The following TMEM245 variants were observed in gnomAD, a reference collection of about 807,000 sequenced individuals.
The protein encoded by TMEM245 is transmembrane protein 245.
In TMEM245, 69 loss-of-function variants were observed where a neutral mutation model predicts 101.2. That is an observed-to-expected ratio of 0.68 (90% confidence interval 0.56 to 0.83). The LOEUF (loss-of-function observed/expected upper bound fraction) is 0.83. TMEM245 is among the 40% of genes least tolerant of loss of function. The pLI is 0.00. For missense variants in TMEM245, 1,075 were observed against 1,092.8 expected (o/e 0.98, Z 0.23); for synonymous variants, 537 against 449.8 (o/e 1.19, Z -2.45).
chr9:109,026,048 A>C (rs1167985769), intron 17 of TMEM245, among the ~76,000 whole-genome samples: 1 of 152,232 alleles, frequency 6.6e-6, no homozygotes, highest in African/African-American at 2.4e-5. Flanking sequence ...GTCACACTGT[A>C]ACAATATACA....
At position 109,066,283 on chromosome 9, in the gene TMEM245, G is replaced by A. The variant is rs772474291; in HGVS notation, c.1533-1716C>T. ...AGCCTGGCCAACAAGGCAAAACCCC[G>A]TCTCTACTAAAAAATACAAAAATTA... On this transcript the variant is annotated intron_variant, in intron 9 of 17. Transcript: ENST00000374586. 4.0e-5 allele frequency among the ~76,000 whole-genome samples: 6 copies of A among 151,770 alleles called. No homozygotes were observed. In the East Asian group the frequency reaches 5.8e-4, roughly 15 times the overall value.
intron 11 of TMEM245, among the ~76,000 whole-genome samples, chr9:109,059,043 C>T (rs1828931341): frequency 6.6e-6 from 1 of 152,184 alleles, no homozygotes; most frequent in Admixed American, 6.5e-5. Flanking sequence ...TTATGAAACA[C>T]TGACCTTCCT....
intron 1 of TMEM245, among the ~76,000 whole-genome samples, chr9:109,117,090 A>G (rs1477070901): frequency 6.6e-6 from 1 of 151,886 alleles, no homozygotes; most frequent in Non-Finnish European, 1.5e-5. Context: ...CACTTGAGCC[A>G]AACAGCTGAA....
chr9:109,058,592 A>G (rs1828918044), intron 11 of TMEM245, among the ~76,000 whole-genome samples: 1 of 152,150 alleles, frequency 6.6e-6, no homozygotes, highest in African/African-American at 2.4e-5. Context: ...TTAGACAAGC[A>G]TGATGGTAGG....
chr9:109,021,492 G>T (rs1235896234), intron 17 of TMEM245, among the ~76,000 whole-genome samples: 3 of 94,454 alleles, frequency 3.2e-5, no homozygotes, highest in Non-Finnish European at 7.0e-5. Context: ...TTTACAGTTG[G>T]TTTTTTGTTT....
At chr9:109,091,967 T>C (rs1830018887) in intron 4 of TMEM245, among the ~76,000 whole-genome samples, 4 of 152,194 alleles carry the variant, frequency 2.6e-5, no homozygotes, top group South Asian at 4.1e-4. Context: ...GTATGTCACG[T>C]TGAATGTGTG....
intron 2 of TMEM245, among the ~76,000 whole-genome samples, chr9:109,106,921 C>A (rs1446060152): frequency 1.3e-5 from 2 of 152,044 alleles, no homozygotes; most frequent in Admixed American, 1.3e-4. Flanking sequence ...GAACTCAAAC[C>A]ATCTACTTCA....
At chr9:109,040,760 A>AT (rs1305710080) in intron 14 of TMEM245, among the ~76,000 whole-genome samples, 1 of 152,238 alleles carries the variant, frequency 6.6e-6, no homozygotes, top group African/African-American at 2.4e-5. Context: ...ATTGTTGAGT[A>AT]TATCAGTAGT....
At chr9:109,110,017 T>C (rs1284628740) in intron 1 of TMEM245, among the ~76,000 whole-genome samples, 4 of 152,174 alleles carry the variant, frequency 2.6e-5, no homozygotes, top group African/African-American at 9.6e-5. Context: ...GCACTAATTC[T>C]TTTATAATAA....
In TMEM245 at chr9:109,024,798, G is replaced by C. The variant is rs76482592; in HGVS notation, c.2595-4293C>G. ...GGCACACAGCACAGAGATGAATCTG[G>C]AGAAGTAGAGAGAAGAAAGGCATGA... is the stretch of plus-strand genomic sequence containing the variant. On this transcript the variant is annotated intron_variant, in intron 17 of 17. Coordinates refer to ENST00000374586, the MANE Select transcript of TMEM245 (RefSeq NM_032012.4). Among the ~76,000 whole-genome samples the C allele has an allele frequency of 9.5e-4, 144 of 152,350 alleles. 1 individual carries two copies. In the East Asian group the frequency reaches 0.015, roughly 16 times the overall value.
chr9:109,113,943 T>C (rs551834012), intron 1 of TMEM245, among the ~76,000 whole-genome samples: 3 of 151,900 alleles, frequency 2.0e-5, no homozygotes, highest in South Asian at 4.2e-4. Flanking sequence ...CACAAAAAAT[T>C]AGCCGGGCAT....
intron 3 of TMEM245, among the ~76,000 whole-genome samples, chr9:109,101,006 T>C (rs1350258950): frequency 2.0e-5 from 3 of 152,066 alleles, no homozygotes; most frequent in African/African-American, 7.2e-5. Context: ...AGAAGAGTTT[T>C]CTGAGGCGGA....
chr9:109,040,771 T>G (rs1053853651), intron 14 of TMEM245, among the ~76,000 whole-genome samples: 10 of 152,216 alleles, frequency 6.6e-5, no homozygotes, highest in Non-Finnish European at 1.3e-4. Context: ...TATCAGTAGT[T>G]GGTTCCTTTT....
intron 7 of TMEM245, among the ~76,000 whole-genome samples, chr9:109,081,840 A>G (rs774367833): frequency 6.6e-5 from 10 of 152,218 alleles, no homozygotes; most frequent in Non-Finnish European, 1.3e-4. Context: ...TTATCTTGCT[A>G]TAACTTCCTT....
At chr9:109,093,639 T>C in intron 3 of TMEM245, 48 bp from the exon 4 acceptor site, 2 of 1,468,856 alleles carry the variant, frequency 1.4e-6, no homozygotes, top group Non-Finnish European at 1.9e-6. Flanking sequence ...TAGGAAATAA[T>C]GGCTGCAAAT....
chr9:109,089,747 C>T (rs528179142), intron 5 of TMEM245, among the ~76,000 whole-genome samples: 2 of 152,012 alleles, frequency 1.3e-5, no homozygotes, highest in Admixed American at 1.3e-4. Context: ...TAGAGGTGGG[C>T]CTTAAATTAC....
rs554194678 is a variant in TMEM245 at position 109,110,125 on chromosome 9, G to C, written c.580-1555C>G. Among the ~76,000 whole-genome samples the C allele has an allele frequency of 1.7e-3, 255 of 152,258 alleles. 1 individual carries two copies. The highest frequency in any genetic ancestry group is 5.8e-3 in the African/African-American group (243 of 41,562). On this transcript the variant is annotated intron_variant, in intron 1 of 17. Transcript: ENST00000374586. ...TGAGGACATGGGAAGTGAGACTACA[G>C]CTGCTTCAAAAAGTCCAGTCTTGCT... is the stretch of plus-strand genomic sequence containing the variant.
At chr9:109,102,304 T>C (rs1189034838) in intron 3 of TMEM245, among the ~76,000 whole-genome samples, 1 of 152,166 alleles carries the variant, frequency 6.6e-6, no homozygotes, top group Non-Finnish European at 1.5e-5. Flanking sequence ...GAGAGATATA[T>C]AGTTATGGTT....
intron 1 of TMEM245, among the ~76,000 whole-genome samples, chr9:109,112,262 C>T (rs993746404): frequency 2.0e-5 from 3 of 152,130 alleles, no homozygotes; most frequent in Non-Finnish European, 4.4e-5. Flanking sequence ...AAAAAAGTGG[C>T]CAGGGCAGTG....
Sources: allele counts gnomAD v4.1 joint callset (sites outside exome capture counted in the v4.1 genomes callset), GRCh38; gene constraint gnomAD v4.1.1; transcripts MANE v1.5; gene names NCBI Gene and HGNC (gene_info 2026-07-23, HGNC 2026-07-21).